The following RNLS variants were observed in gnomAD, a reference collection of about 807,000 sequenced individuals.
RNLS encodes the protein renalase, FAD dependent amine oxidase.
Under a neutral mutation model 39.8 loss-of-function variants are expected in RNLS, and 39 were observed. The ratio of observed to expected loss-of-function variants is 0.98; its 90% CI spans 0.76 to 1.28. RNLS has a LOEUF of 1.28. Among genes scored for constraint, RNLS ranks in the 50% most tolerant of loss-of-function variants. RNLS has a pLI of 0.00. For missense variants in RNLS, 410 were observed against 413.3 expected (o/e 0.99, Z 0.07); for synonymous variants, 147 against 150.7 (o/e 0.98, Z 0.18).
At position 88,314,581 on chromosome 10, in the gene RNLS, T is replaced by C. The variant is rs200181983; in HGVS notation, c.761A>G (p.Tyr254Cys). The C allele has an allele frequency of 1.1e-4, 183 of 1,613,800 alleles. 1 individual carries two copies. Among genetic ancestry groups the C allele is most frequent in the Non-Finnish European group, 1.3e-4 (159 of 1,179,876 alleles). The change falls in exon 6 of 7, where the codon TAC (tyrosine) becomes TGC (cysteine). Residue 254 changes from tyrosine (Y) to cysteine (C), a missense_variant. Physicochemically the swap from Tyr to Cys is radical, Grantham distance 194 (BLOSUM62 -2). Coordinates refer to ENST00000331772, the MANE Select transcript of RNLS (RefSeq NM_001031709.3). ...IHTTVPFGVT[Y>C]LEHSIEDVQE... is the part of the protein sequence containing the mutation. ...CACATCCTCAATGCTGTGTTCCAAG[T>C]ATGTAACTCCAAATGGGACAGTGGT...
intron 4 of RNLS, among the ~76,000 whole-genome samples, chr10:88,445,916 G>A (rs1333363081): frequency 1.3e-5 from 2 of 152,166 alleles, no homozygotes; most frequent in Non-Finnish European, 2.9e-5. Context: ...AAGACAGAAA[G>A]TTAATAAGGA....
At chr10:88,471,423 T>C (rs1843516248) in intron 4 of RNLS, among the ~76,000 whole-genome samples, 1 of 152,174 alleles carries the variant, frequency 6.6e-6, no homozygotes, top group Non-Finnish European at 1.5e-5. Flanking sequence ...GAGAGGCCTT[T>C]TCCAGTGGGC....
chr10:88,293,224 T>C (rs1275776143), intron 6 of RNLS, among the ~76,000 whole-genome samples: 1 of 152,192 alleles, frequency 6.6e-6, no homozygotes, highest in Non-Finnish European at 1.5e-5. Context: ...CCCCTGCTCA[T>C]TGCGTATGTG....
chr10:88,308,713 G>C (rs1385191048), intron 6 of RNLS, among the ~76,000 whole-genome samples: 3 of 152,080 alleles, frequency 2.0e-5, no homozygotes, highest in Non-Finnish European at 2.9e-5. Context: ...ACAGTGTGGC[G>C]ATTCCTTAAA....
chr10:88,278,162 G>C (rs1000090046), intron 6 of RNLS, among the ~76,000 whole-genome samples: 9 of 152,072 alleles, frequency 5.9e-5, no homozygotes, highest in Non-Finnish European at 1.2e-4. Context: ...TAATTGGTTA[G>C]AGTGCTGTTC....
chr10:88,341,777 T>C (rs1309082940), intron 5 of RNLS, among the ~76,000 whole-genome samples: 1 of 152,148 alleles, frequency 6.6e-6, no homozygotes, highest in East Asian at 1.9e-4. Context: ...ATGTACTAAA[T>C]TGTAAAATAA....
At chr10:88,444,800 T>G (rs1841943111) in intron 4 of RNLS, among the ~76,000 whole-genome samples, 1 of 152,132 alleles carries the variant, frequency 6.6e-6, no homozygotes, top group African/African-American at 2.4e-5. Context: ...GAACAAAGCC[T>G]CCAAGAAATA....
intron 4 of RNLS, among the ~76,000 whole-genome samples, chr10:88,474,439 C>T (rs1409079303): frequency 6.6e-6 from 1 of 152,150 alleles, no homozygotes; most frequent in Non-Finnish European, 1.5e-5. Flanking sequence ...CAATTAAATG[C>T]TAGCAGCATT....
chr10:88,425,182 G>A (rs547011213), intron 4 of RNLS, among the ~76,000 whole-genome samples: 3 of 151,988 alleles, frequency 2.0e-5, no homozygotes, highest in Admixed American at 1.3e-4. Context: ...CTTTCCCCAC[G>A]CTTCATCAGA....
chr10:88,237,098 CTTCAAATT>C, the RNLS span, among the ~76,000 whole-genome samples: 2 of 151,982 alleles, frequency 1.3e-5, no homozygotes, highest in Non-Finnish European at 2.9e-5. Flanking sequence ...AAGGAAACGT[CTTCAAATT>C]ATATTTCTAG....
the RNLS span, among the ~76,000 whole-genome samples, chr10:88,216,794 A>C: frequency 2.7e-4 from 41 of 152,292 alleles, no homozygotes; most frequent in Middle Eastern, 3.4e-3. Context: ...CAACAAAAAA[A>C]CCCGGGTGTT....
chr10:88,519,706 T>C (rs1476446540), intron 4 of RNLS, among the ~76,000 whole-genome samples: 1 of 147,342 alleles, frequency 6.8e-6, no homozygotes, highest in Non-Finnish European at 1.5e-5. Context: ...ATATATCTGA[T>C]ATATATCACA....
At chr10:88,484,743 A>G (rs1244154064) in intron 4 of RNLS, among the ~76,000 whole-genome samples, 1 of 151,964 alleles carries the variant, frequency 6.6e-6, no homozygotes, top group African/African-American at 2.4e-5. Flanking sequence ...CTTTTTCATT[A>G]GTAACTGAAG....
At chr10:88,547,357 T>G (rs577034645) in intron 4 of RNLS, among the ~76,000 whole-genome samples, 2 of 152,328 alleles carry the variant, frequency 1.3e-5, no homozygotes, top group East Asian at 3.9e-4. Flanking sequence ...ATTTTGAACT[T>G]TGCAAATTTG....
chr10:88,529,658 A>C (rs1477014855), intron 4 of RNLS, among the ~76,000 whole-genome samples: 1 of 152,226 alleles, frequency 6.6e-6, no homozygotes, highest in African/African-American at 2.4e-5. Flanking sequence ...TCTGAAGGTG[A>C]GGAAGAGAGC....
At chr10:88,274,433 T>G (rs530660036) in exon 7 of RNLS, 2 of 152,936 alleles carry the variant, frequency 1.3e-5, no homozygotes, top group African/African-American at 4.8e-5. Flanking sequence ...CTCATATAAG[T>G]AGAATTATGT....
At chr10:88,274,732 G>T in exon 7 of RNLS, 1 of 406,442 alleles carries the variant, frequency 2.5e-6, no homozygotes, top group South Asian at 2.9e-5. Context: ...AGATCATACA[G>T]CAATTCTATA....
At chr10:88,471,323 T>C (rs1236020558) in intron 4 of RNLS, among the ~76,000 whole-genome samples, 1 of 152,216 alleles carries the variant, frequency 6.6e-6, no homozygotes, top group African/African-American at 2.4e-5. Flanking sequence ...TGGGTGTGGA[T>C]TTCTACAGAA....
intron 6 of RNLS, among the ~76,000 whole-genome samples, chr10:88,287,026 C>T (rs1843322778): frequency 6.6e-6 from 1 of 151,996 alleles, no homozygotes; most frequent in South Asian, 2.1e-4. Flanking sequence ...TGGCCTCAAG[C>T]TATTCTCCTG....
Sources: gnomAD v4.1 joint callset for allele counts (sites outside exome capture counted in the v4.1 genomes callset) on GRCh38, gnomAD v4.1.1 for gene constraint, MANE v1.5 for transcripts, NCBI Gene and HGNC (gene_info 2026-07-23, HGNC 2026-07-21) for gene names.